SREBF2: variants seen among roughly 807,000 people sequenced by gnomAD.
SREBF2 encodes sterol regulatory element binding transcription factor 2.
A neutral mutation model predicts 113.1 loss-of-function variants in SREBF2; 55 were observed. That is an observed-to-expected ratio of 0.49 (90% confidence interval 0.39 to 0.61). The LOEUF is 0.61. Ranked by LOEUF, SREBF2 falls within the 20% of genes least tolerant of loss-of-function variation. The probability of loss-of-function intolerance (pLI) is 0.00; values close to 1 mark genes in which losing one functional copy is unlikely to be tolerated. For missense variants in SREBF2, 1,349 were observed against 1,487.4 expected, an observed-to-expected ratio of 0.91 and a Z score of 1.53; for synonymous variants, 593 against 605.7, an observed-to-expected ratio of 0.98 and a Z score of 0.31.
intron 12 of SREBF2, among the ~76,000 whole-genome samples, chr22:41,893,911 T>A (rs2077387284): frequency 6.6e-6 from 1 of 152,060 alleles, no homozygotes; most frequent in Non-Finnish European, 1.5e-5. Flanking sequence ...GTACTTTTCC[T>A]CCCCTCTCAG....
rs541850326 is a variant in SREBF2, at chr22:41,862,941, A to C, written c.89-3890A>C. Among the ~76,000 whole-genome samples the C allele has an allele frequency of 2.0e-5, 3 of 151,954 alleles. No homozygotes were observed. In the South Asian group the frequency reaches 6.3e-4, roughly 32 times the overall value. ...GTAGTCTCATTCCATCTGCCTACAC[A>C]CTCTTACGCTTCGTGAACTAAGCTT... On this transcript the variant is annotated intron_variant, in intron 1 of 18. Transcript: ENST00000361204.
intron 1 of SREBF2, among the ~76,000 whole-genome samples, chr22:41,858,917 G>C (rs2077000408): frequency 6.6e-6 from 1 of 152,158 alleles, no homozygotes. Flanking sequence ...GCTGAGGCGG[G>C]TGGATCACGA....
intron 1 of SREBF2, among the ~76,000 whole-genome samples, chr22:41,844,413 G>A (rs932692373): frequency 4.6e-5 from 7 of 152,116 alleles, no homozygotes; most frequent in Non-Finnish European, 7.4e-5. Flanking sequence ...GTGGTAGTGG[G>A]ACACAGAGGA....
chr22:41,894,691 G>T, intron 12 of SREBF2, 129 bp from the exon 13 acceptor site: 1 of 827,658 alleles, frequency 1.2e-6, no homozygotes, highest in Non-Finnish European at 2.1e-6. Context: ...GTAGTTCTGG[G>T]CTTTGGTGGA....
intron 11 of SREBF2, among the ~76,000 whole-genome samples, chr22:41,890,776 C>T (rs1337804408): frequency 1.3e-5 from 2 of 151,280 alleles, no homozygotes; most frequent in South Asian, 2.1e-4. Flanking sequence ...GGTGCGGTGG[C>T]GGGTGCCTAT....
intron 1 of SREBF2, among the ~76,000 whole-genome samples, chr22:41,850,481 C>A (rs900053087): frequency 2.6e-5 from 4 of 151,940 alleles, no homozygotes; most frequent in Non-Finnish European, 5.9e-5. Flanking sequence ...ACATGATTAC[C>A]TAAGTGCCCC....
At position 41,870,891 on chromosome 22, in the gene SREBF2, C is replaced by T; in HGVS notation, c.723C>T (p.Val241=). Residue 241 remains valine, a splice_region_variant and synonymous_variant, in exon 4 of 19, where the codon GTC becomes GTT. Coordinates refer to ENST00000361204, the MANE Select transcript of SREBF2 (RefSeq NM_004599.4). ...VAAPQVQQVP[V]LVQPQIIKTD... ...ACTTTTCTTCCTTCTTCATCCAGGTCCTGGTCCAGCCTCAGATCATCAAGA... is the reference window on the plus strand; with the variant it reads ...ACTTTTCTTCCTTCTTCATCCAGGTTCTGGTCCAGCCTCAGATCATCAAGA... 1 of 1,614,144 alleles carries T rather than the reference C, an allele frequency of 6.2e-7. No individual in the cohort carries two copies. Among genetic ancestry groups the T allele is most frequent in the South Asian group, 1.1e-5 (1 of 91,084 alleles).
chr22:41,842,059 T>G (rs778682810), intron 1 of SREBF2, among the ~76,000 whole-genome samples: 21 of 152,222 alleles, frequency 1.4e-4, no homozygotes, highest in Admixed American at 5.2e-4. Context: ...CTGTAGCCCT[T>G]TCATTTTAAA....
chr22:41,849,274 C>G (rs2076905543), intron 1 of SREBF2, among the ~76,000 whole-genome samples: 2 of 152,132 alleles, frequency 1.3e-5, no homozygotes, highest in South Asian at 4.1e-4. Flanking sequence ...CTACTGCAAA[C>G]TCTGCCTTCC....
At chr22:41,893,048 G>A in intron 11 of SREBF2, 69 bp from the exon 12 acceptor site, 1 of 1,584,602 alleles carries the variant, frequency 6.3e-7, no homozygotes, top group Non-Finnish European at 8.6e-7. Flanking sequence ...GGTGCTTTCT[G>A]CACCCCACAG....
At chr22:41,863,903 A>G (rs2077046724) in intron 1 of SREBF2, among the ~76,000 whole-genome samples, 3 of 151,804 alleles carry the variant, frequency 2.0e-5, no homozygotes, top group East Asian at 1.9e-4. Context: ...ATTTTTTGGG[A>G]CGGAGTCTTG....
In SREBF2 at chr22:41,852,728, A is replaced by ATTTT. The variant is rs544824099; in HGVS notation, c.89-14075_89-14072dup. On this transcript the variant is annotated intron_variant, in intron 1 of 18. Transcript: ENST00000361204. ...CAGCCATTCTCATACTCTCAGAATGATTTTTTTTTTTTTTTTTTTTTTTTT... is the reference window on the plus strand; with the variant it reads ...CAGCCATTCTCATACTCTCAGAATGATTTTTTTTTTTTTTTTTTTTTTTTTTTTT... Among the ~76,000 whole-genome samples, 208 of 40,410 alleles carry ATTTT rather than the reference A, an allele frequency of 5.1e-3. 6 individuals are homozygous for ATTTT. The highest frequency in any genetic ancestry group is 9.1e-3 in the South Asian group (6 of 660). The allele number at this position is 40,410 out of a possible 152,430, so 26.5% of individuals were successfully genotyped here.
intron 14 of SREBF2, among the ~76,000 whole-genome samples, chr22:41,898,304 G>C (rs1466761950): frequency 1.3e-5 from 2 of 152,152 alleles, no homozygotes; most frequent in Non-Finnish European, 2.9e-5. Context: ...TTTTAGTAGA[G>C]AGGGGGTTTC....
intron 9 of SREBF2, 108 bp downstream of exon 9, chr22:41,878,231 G>T: frequency 1.4e-6 from 2 of 1,437,834 alleles, no homozygotes; most frequent in Non-Finnish European, 1.9e-6. Flanking sequence ...AGAGGAAAAA[G>T]GGACCCTGCT....
chr22:41,863,247 C>A (rs976412336), intron 1 of SREBF2, among the ~76,000 whole-genome samples: 1 of 152,254 alleles, frequency 6.6e-6, no homozygotes, highest in East Asian at 1.9e-4. Context: ...TGCCCACGCT[C>A]ACACCACTGA....
chr22:41,881,208 A>C (rs1432234728), intron 10 of SREBF2, among the ~76,000 whole-genome samples: 1 of 152,258 alleles, frequency 6.6e-6, no homozygotes. Context: ...TCACAATAAC[A>C]TCACTATACT....
Position 41,906,431 on chromosome 22 carries a change from C to T in SREBF2, c.*771C>T. ...ATGTTAGCCCAAGCTCAGGGTAGGC[C>T]CAGGGGGCTGGGAGAAATGAAGCCA... On this transcript the variant is annotated 3_prime_UTR_variant, in exon 19 of 19. Coordinates refer to ENST00000361204, the MANE Select transcript of SREBF2 (RefSeq NM_004599.4). The T allele has an allele frequency of 5.7e-6, 1 of 174,934 alleles. No homozygotes were observed. Among genetic ancestry groups the T allele is most frequent in the Non-Finnish European group, 1.2e-5 (1 of 81,372 alleles). 10.8% of individuals were successfully genotyped at this position (174,934 alleles called of 1,614,324 possible).
intron 1 of SREBF2, among the ~76,000 whole-genome samples, chr22:41,858,728 C>T (rs1205973184): frequency 6.6e-6 from 1 of 152,040 alleles, no homozygotes; most frequent in East Asian, 1.9e-4. Context: ...GCCTGGGTGA[C>T]AGAGTAAGAC....
rs2077503519 is a variant in SREBF2, at chr22:41,905,777, G to A, written c.*117G>A. ...GTCTTCTTAGCTGTCACCTGCCGAGGCTTCTGGGCCACTCAGGCCAGTGCA... is the reference window on the plus strand; with the variant it reads ...GTCTTCTTAGCTGTCACCTGCCGAGACTTCTGGGCCACTCAGGCCAGTGCA... On this transcript the variant is annotated 3_prime_UTR_variant, in exon 19 of 19. Coordinates refer to ENST00000361204, the MANE Select transcript of SREBF2 (RefSeq NM_004599.4). 2.5e-6 allele frequency: 3 copies of A among 1,200,024 alleles called. 1 individual carries two copies. Among genetic ancestry groups the A allele is most frequent in the South Asian group, 2.6e-5 (2 of 76,242 alleles). 74.3% of individuals were successfully genotyped at this position (1,200,024 alleles called of 1,614,324 possible).
Sources: gnomAD v4.1 joint callset for allele counts (sites outside exome capture counted in the v4.1 genomes callset) on GRCh38, gnomAD v4.1.1 for gene constraint, MANE v1.5 for transcripts, NCBI Gene and HGNC (gene_info 2026-07-23, HGNC 2026-07-21) for gene names.